Variants in C4BPA observed in about 807,000 individuals in gnomAD.
C4BPA encodes C4b-binding protein alpha chain.
In C4BPA, 31 loss-of-function variants were observed where a neutral mutation model predicts 63.7. The ratio of observed to expected loss-of-function variants is 0.49; its 90% confidence interval spans 0.37 to 0.66. The LOEUF (loss-of-function observed/expected upper bound fraction) is 0.66. Among genes scored for constraint, C4BPA ranks in the 30% least tolerant of loss-of-function variants. The probability of loss-of-function intolerance (pLI) is 0.00; values close to 1 mark genes in which losing one functional copy is unlikely to be tolerated. For missense variants in C4BPA, 572 were observed against 723.3 expected (o/e 0.79, Z 2.40); for synonymous variants, 259 against 254.7 (o/e 1.02, Z -0.16).
intron 1 of C4BPA, among the ~76,000 whole-genome samples, chr1:207,109,602 G>C (rs768162617): frequency 4.6e-5 from 7 of 152,202 alleles, no homozygotes; most frequent in Non-Finnish European, 8.8e-5. Flanking sequence ...CAAGGTCTTG[G>C]CCACACTGTC....
intron 4 of C4BPA, among the ~76,000 whole-genome samples, chr1:207,119,912 C>T (rs1379642925): frequency 6.6e-6 from 1 of 152,348 alleles, no homozygotes; most frequent in South Asian, 2.1e-4. Context: ...GTCGTTGGTT[C>T]CTTGCCCAAT....
chr1:207,128,614 G>C (rs1262805445), intron 7 of C4BPA, among the ~76,000 whole-genome samples: 1 of 152,200 alleles, frequency 6.6e-6, no homozygotes, highest in Non-Finnish European at 1.5e-5. Context: ...CAATGAGAAA[G>C]AGACAGTCAA....
At chr1:207,134,623 G>A (rs1174060324) in intron 9 of C4BPA, 31 bp downstream of exon 9, 1 of 1,504,108 alleles carries the variant, frequency 6.6e-7, no homozygotes, top group African/African-American at 1.4e-5. Flanking sequence ...CTTATTCTGG[G>A]AGTTTCTTCA....
At chr1:207,115,151 G>T (rs1429377168) in intron 3 of C4BPA, among the ~76,000 whole-genome samples, 1 of 152,068 alleles carries the variant, frequency 6.6e-6, no homozygotes, top group Non-Finnish European at 1.5e-5. Context: ...CCCGTCCCTG[G>T]TCAGCTTATT....
intron 7 of C4BPA, 37 bp from the exon 8 acceptor site, chr1:207,131,509 C>A (rs539147120): frequency 8.2e-6 from 12 of 1,461,270 alleles, no homozygotes; most frequent in South Asian, 2.4e-5. Context: ...CTAGTAATAG[C>A]GTCCTTTTGT....
At chr1:207,139,810 A>T (rs1685374393) in intron 9 of C4BPA, among the ~76,000 whole-genome samples, 1 of 152,230 alleles carries the variant, frequency 6.6e-6, no homozygotes, top group Non-Finnish European at 1.5e-5. Context: ...ATTTTGTAGC[A>T]TCTTCACTCC....
intron 4 of C4BPA, among the ~76,000 whole-genome samples, chr1:207,116,516 A>ATGTGTGTGTGTGTG (rs57449727): frequency 1.3e-5 from 1 of 79,922 alleles, no homozygotes; most frequent in Non-Finnish European, 3.0e-5. Context: ...GTGTGTGTAT[A>ATGTGTGTGTGTGTG]TGTGTGTGTG....
At chr1:207,136,311 T>G (rs1685278332) in intron 9 of C4BPA, among the ~76,000 whole-genome samples, 1 of 152,216 alleles carries the variant, frequency 6.6e-6, no homozygotes, top group Non-Finnish European at 1.5e-5. Flanking sequence ...ATGGCTTACT[T>G]CAACTGGCTG....
chr1:207,112,360 T>G (rs12074166), intron 1 of C4BPA, among the ~76,000 whole-genome samples: 24,975 of 150,534 alleles, frequency 0.17, 3,391 homozygotes, highest in African/African-American at 0.36. Context: ...GTTTTTTTTT[T>G]TTTTTTTTAT....
intron 9 of C4BPA, among the ~76,000 whole-genome samples, chr1:207,137,833 G>T (rs1685321470): frequency 6.6e-6 from 1 of 152,216 alleles, no homozygotes; most frequent in Admixed American, 6.5e-5. Flanking sequence ...GGCCAGGCTG[G>T]TCTTGAACTC....
chr1:207,116,984 G>A (rs1388426772), intron 4 of C4BPA, among the ~76,000 whole-genome samples: 5 of 152,002 alleles, frequency 3.3e-5, no homozygotes, highest in Admixed American at 6.6e-5. Context: ...ATTTATGTAT[G>A]CGTTTCACAG....
At chr1:207,117,994 C>A (rs1389896619) in intron 4 of C4BPA, among the ~76,000 whole-genome samples, 3 of 152,176 alleles carry the variant, frequency 2.0e-5, no homozygotes, top group Admixed American at 6.6e-5. Context: ...TGTGTTTCAG[C>A]TTTCCTCACA....
At chr1:207,121,734 T>C (rs1342972761) in intron 4 of C4BPA, among the ~76,000 whole-genome samples, 2 of 152,118 alleles carry the variant, frequency 1.3e-5, no homozygotes, top group African/African-American at 2.4e-5. Context: ...GTGACCTATA[T>C]ACATTTAAAT....
At chr1:207,139,668 A>G (rs1351908851) in intron 9 of C4BPA, among the ~76,000 whole-genome samples, 1 of 152,214 alleles carries the variant, frequency 6.6e-6, no homozygotes, top group Admixed American at 6.5e-5. Flanking sequence ...TCCAGGTATC[A>G]ATGTCAACTC....
intron 9 of C4BPA, among the ~76,000 whole-genome samples, chr1:207,139,693 A>G (rs1685370970): frequency 6.6e-6 from 1 of 152,184 alleles, no homozygotes; most frequent in African/African-American, 2.4e-5. Flanking sequence ...CCTGTGTGCA[A>G]TAATTTTTGA....
chr1:207,142,993 G>C (rs1216460460), intron 10 of C4BPA, among the ~76,000 whole-genome samples: 2 of 152,056 alleles, frequency 1.3e-5, no homozygotes, highest in Non-Finnish European at 2.9e-5. Context: ...GGGTATATAT[G>C]CAAAGGATTA....
intron 3 of C4BPA, chr1:207,114,725 C>G (rs1684746199): frequency 5.8e-6 from 1 of 171,462 alleles, no homozygotes; most frequent in Non-Finnish European, 1.2e-5. Flanking sequence ...AACTCCTGAC[C>G]TCAAGTGATC....
chr1:207,131,471 G>A (rs1302731262), intron 7 of C4BPA, 75 bp from the exon 8 acceptor site: 1 of 1,032,392 alleles, frequency 9.7e-7, no homozygotes, highest in Non-Finnish European at 1.4e-6. Context: ...CCTTTGATAG[G>A]ACAGGCTTAT....
chr1:207,140,969 T>A, intron 9 of C4BPA, 137 bp from the exon 10 acceptor site: 2 of 591,270 alleles, frequency 3.4e-6, no homozygotes, highest in African/African-American at 1.9e-5. Flanking sequence ...AGTGTCTGGG[T>A]TTGGCTACGT....
Sources: gnomAD v4.1 joint callset for allele counts (sites outside exome capture counted in the v4.1 genomes callset) on GRCh38, gnomAD v4.1.1 for gene constraint, MANE v1.5 for transcripts, NCBI Gene and HGNC (gene_info 2026-07-23, HGNC 2026-07-21) for gene names.